Variants in SHC3 observed in about 807,000 individuals in gnomAD.
SHC3 encodes SHC adaptor protein 3, also known as SHC-transforming protein 3.
A neutral mutation model predicts 60.4 loss-of-function variants in SHC3; 15 were observed. The ratio of observed to expected loss-of-function variants is 0.25; its 90% confidence interval spans 0.17 to 0.38. The LOEUF is 0.38. Among genes scored for constraint, SHC3 ranks in the 10% least tolerant of loss-of-function variants. The probability of loss-of-function intolerance (pLI) is 1.00; values close to 1 mark genes in which losing one functional copy is unlikely to be tolerated. For synonymous variants in SHC3, 294 were observed against 325.9 expected, an observed-to-expected ratio of 0.90 and a Z score of 1.05; for missense variants, 677 against 786.1, an observed-to-expected ratio of 0.86 and a Z score of 1.66.
chr9:89,021,447 C>T lies in SHC3; in HGVS notation c.1657-7872G>A, dbSNP rs190452359. 1.3e-4 allele frequency among the ~76,000 whole-genome samples: 20 copies of T among 152,348 alleles called. No individual in the cohort carries two copies. The East Asian group carries it at 2.3e-3, about 18-fold the overall frequency. On this transcript the variant is annotated intron_variant, in intron 11 of 11. Coordinates refer to ENST00000375835, the MANE Select transcript of SHC3 (RefSeq NM_016848.6). ...TCAGTGACCAAAGACAGCACCAGAT[C>T]GGCTCACAGAGTGGAAGGCCTAGGC...
At chr9:89,062,760 C>T (rs1564112163) in intron 6 of SHC3, among the ~76,000 whole-genome samples, 1 of 152,296 alleles carries the variant, frequency 6.6e-6, no homozygotes, top group East Asian at 1.9e-4. Flanking sequence ...CAAATAAGAA[C>T]ATTCACACCC....
Position 89,067,041 on chromosome 9 carries a change from C to T in SHC3, c.784-1461G>A, listed in dbSNP as rs563836823. ...CTGCTTCCCCGGTCATTCTGCAGGG[C>T]GTGGCTCAGCTAAGCTGTTTTCTTT... On this transcript the variant is annotated intron_variant, in intron 5 of 11. Transcript: ENST00000375835. Among the ~76,000 whole-genome samples the T allele has an allele frequency of 2.0e-5, 3 of 152,294 alleles. No individual in the cohort carries two copies. In the East Asian group the frequency reaches 5.8e-4, roughly 29 times the overall value.
intron 1 of SHC3, among the ~76,000 whole-genome samples, chr9:89,166,119 T>C (rs1177232858): frequency 6.6e-6 from 1 of 151,964 alleles, no homozygotes; most frequent in Non-Finnish European, 1.5e-5. Context: ...GCCCACACAC[T>C]CATGCACTGA....
At chr9:89,016,663 C>A (rs1485773088) in intron 11 of SHC3, among the ~76,000 whole-genome samples, 2 of 152,148 alleles carry the variant, frequency 1.3e-5, no homozygotes, top group Non-Finnish European at 2.9e-5. Flanking sequence ...CATAATTCCT[C>A]ATTCTATGAA....
At chr9:89,149,527 A>C (rs1826515777) in intron 1 of SHC3, among the ~76,000 whole-genome samples, 1 of 152,084 alleles carries the variant, frequency 6.6e-6, no homozygotes, top group South Asian at 2.1e-4. Flanking sequence ...CTGTCGTCTA[A>C]AGTCTTTTTT....
intron 2 of SHC3, among the ~76,000 whole-genome samples, chr9:89,093,225 A>C (rs1005118324): frequency 1.2e-4 from 19 of 152,260 alleles, no homozygotes; most frequent in Non-Finnish European, 2.2e-4. Context: ...GCTAAGTGAA[A>C]GAAGCTAGAC....
intron 9 of SHC3, among the ~76,000 whole-genome samples, chr9:89,044,955 TA>T (rs1824747804): frequency 6.6e-6 from 1 of 151,976 alleles, no homozygotes; most frequent in Admixed American, 6.6e-5. Context: ...CAGCTTAGAG[TA>T]GGGGGCTTCA....
intron 1 of SHC3, among the ~76,000 whole-genome samples, chr9:89,147,402 C>T (rs971195772): frequency 6.6e-6 from 1 of 152,162 alleles, no homozygotes; most frequent in Non-Finnish European, 1.5e-5. Context: ...AACTCCCCAC[C>T]CATCCTCCTG....
chr9:89,055,721 T>G (rs772684642), intron 6 of SHC3, among the ~76,000 whole-genome samples: 16 of 152,186 alleles, frequency 1.1e-4, no homozygotes, highest in Non-Finnish European at 2.4e-4. Flanking sequence ...GATGCCATCT[T>G]TTGCAAGTTT....
chr9:89,110,087 AC>A (rs959952135), intron 2 of SHC3: 26 of 985,328 alleles, frequency 2.6e-5, no homozygotes, highest in Non-Finnish European at 3.0e-5. Context: ...AAAAGGAAAC[AC>A]CTTTCCAAAA....
In SHC3 at chr9:89,012,958, G is replaced by C. The variant is rs575096817; in HGVS notation, c.*489C>G. 6.6e-6 allele frequency: 1 copy of C among 152,272 alleles called. No individual in the cohort carries two copies. Among genetic ancestry groups the C allele is most frequent in the African/African-American group, 2.4e-5 (1 of 41,522 alleles). 9.4% of individuals were successfully genotyped at this position (152,272 alleles called of 1,614,324 possible). A position where few individuals can be genotyped will look rare whatever the true frequency, so the allele number is the denominator to read the frequency against. On this transcript the variant is annotated 3_prime_UTR_variant, in exon 12 of 12. Transcript: ENST00000375835. Reference sequence around the variant, plus strand: ...CATGCCTCAGAACCAGTATCTCATAGCTTTCAGTGCAGGGCTAGGCATGCT... The same window carrying C: ...CATGCCTCAGAACCAGTATCTCATACCTTTCAGTGCAGGGCTAGGCATGCT...
At chr9:89,035,856 T>TATATATATATATATATA (rs1317555722) in intron 11 of SHC3, among the ~76,000 whole-genome samples, 32 of 88,952 alleles carry the variant, frequency 3.6e-4, no homozygotes, top group Non-Finnish European at 7.2e-4. Context: ...TATAGATGTG[T>TATATATATATATATATA]GTGTGTGTGT....
At chr9:89,129,280 A>G (rs1282434561) in intron 1 of SHC3, among the ~76,000 whole-genome samples, 1 of 152,226 alleles carries the variant, frequency 6.6e-6, no homozygotes, top group Non-Finnish European at 1.5e-5. Context: ...TCTACCTCTG[A>G]TTGGTGTACC....
chr9:89,093,526 C>T (rs895101553), intron 2 of SHC3, among the ~76,000 whole-genome samples: 35 of 147,588 alleles, frequency 2.4e-4, no homozygotes, highest in African/African-American at 8.2e-4. Flanking sequence ...AAAAAGCTCC[C>T]ACAAATTGAT....
chr9:89,103,097 C>A (rs141707493), intron 2 of SHC3, among the ~76,000 whole-genome samples: 110 of 152,136 alleles, frequency 7.2e-4, no homozygotes, highest in African/African-American at 2.5e-3. Flanking sequence ...GCCAGGCAAG[C>A]GGAACTTAAC....
chr9:89,038,291 G>A lies in SHC3; in HGVS notation c.1361-3C>T, dbSNP rs772833844. The A allele has an allele frequency of 6.2e-7, 1 of 1,604,416 alleles. No individual in the cohort carries two copies. Among genetic ancestry groups the A allele is most frequent in the East Asian group, 2.2e-5 (1 of 44,632 alleles). ...CTTGAGAGCATCTTCAAAAGGTTCT[G>A]TCATCAACAATATTGACCAGCAACA... On this transcript the variant is annotated splice_polypyrimidine_tract_variant and splice_region_variant and intron_variant, in intron 10 of 11. Coordinates refer to ENST00000375835, the MANE Select transcript of SHC3 (RefSeq NM_016848.6).
intron 2 of SHC3, among the ~76,000 whole-genome samples, chr9:89,080,899 TG>T (rs1825435215): frequency 6.6e-6 from 1 of 151,666 alleles, no homozygotes; most frequent in South Asian, 2.1e-4. Context: ...CCCAAGTAGC[TG>T]GGACTGCAGG....
chr9:89,097,354 G>T (rs1325876804), intron 2 of SHC3, among the ~76,000 whole-genome samples: 1 of 152,110 alleles, frequency 6.6e-6, no homozygotes, highest in Admixed American at 6.5e-5. Context: ...ATTTCTCAAG[G>T]TTATAAGCAG....
At chr9:89,163,947 C>A (rs2118250022) in intron 1 of SHC3, among the ~76,000 whole-genome samples, 1 of 151,998 alleles carries the variant, frequency 6.6e-6, no homozygotes. Flanking sequence ...CTCTCTGGGA[C>A]CTCTTTTATA....
Sources: gnomAD v4.1 joint callset for allele counts (sites outside exome capture counted in the v4.1 genomes callset) on GRCh38, gnomAD v4.1.1 for gene constraint, MANE v1.5 for transcripts, NCBI Gene and HGNC (gene_info 2026-07-23, HGNC 2026-07-21) for gene names.